Variants in CHRM5 observed in about 807,000 individuals in gnomAD.
CHRM5 encodes the protein cholinergic receptor muscarinic 5, also known as muscarinic acetylcholine receptor M5.
A neutral mutation model predicts 39.0 loss-of-function variants in CHRM5; 18 were observed. The ratio of observed to expected loss-of-function variants is 0.46; its 90% CI spans 0.32 to 0.68. The LOEUF (loss-of-function observed/expected upper bound fraction) is 0.68. Among genes scored for constraint, CHRM5 ranks in the 30% least tolerant of loss-of-function variants. The pLI is 0.04. For missense variants in CHRM5, 515 were observed against 651.1 expected, an observed-to-expected ratio of 0.79 and a Z score of 2.28; for synonymous variants, 241 against 246.3, an observed-to-expected ratio of 0.98 and a Z score of 0.20.
At chr15:33,982,965 T>C (rs1048668319) in intron 1 of CHRM5, among the ~76,000 whole-genome samples, 21 of 151,818 alleles carry the variant, frequency 1.4e-4, no homozygotes, top group Admixed American at 1.1e-3. Flanking sequence ...CAACTCCTGT[T>C]GGGATAATTT....
chr15:34,015,059 T>C (rs1176309535), intron 1 of CHRM5, among the ~76,000 whole-genome samples: 1 of 152,004 alleles, frequency 6.6e-6, no homozygotes. Context: ...TCCTTAACAG[T>C]GTGTCTCCCT....
chr15:33,970,542 C>A (rs1322348329), intron 1 of CHRM5, among the ~76,000 whole-genome samples: 2 of 151,892 alleles, frequency 1.3e-5, no homozygotes, highest in Non-Finnish European at 2.9e-5. Context: ...AACAGCTGAA[C>A]CCTTAAGGGT....
At chr15:33,970,697 T>A (rs1205431228) in intron 1 of CHRM5, among the ~76,000 whole-genome samples, 1 of 152,004 alleles carries the variant, frequency 6.6e-6, no homozygotes, top group Non-Finnish European at 1.5e-5. Flanking sequence ...GACAAAAGTA[T>A]GAAATTTCTA....
intron 1 of CHRM5, among the ~76,000 whole-genome samples, chr15:34,039,627 A>G (rs1220668470): frequency 6.6e-6 from 1 of 152,158 alleles, no homozygotes; most frequent in Admixed American, 6.5e-5. Context: ...GTCTGGTGAG[A>G]GGTGGACTGC....
intron 2 of CHRM5, among the ~76,000 whole-genome samples, chr15:34,057,332 C>T (rs1180109639): frequency 1.3e-5 from 2 of 148,986 alleles, no homozygotes; most frequent in African/African-American, 4.9e-5. Flanking sequence ...TTAGTAGAGA[C>T]GGGGTTTCAC....
chr15:34,012,209 T>C (rs1897665935), intron 1 of CHRM5, among the ~76,000 whole-genome samples: 1 of 152,220 alleles, frequency 6.6e-6, no homozygotes, highest in South Asian at 2.1e-4. Flanking sequence ...TAAAGACAAT[T>C]TGCTTCTTGA....
At chr15:34,049,003 G>GA (rs1899831058) in intron 2 of CHRM5, among the ~76,000 whole-genome samples, 1 of 152,032 alleles carries the variant, frequency 6.6e-6, no homozygotes, top group African/African-American at 2.4e-5. Flanking sequence ...CAAACAAACA[G>GA]AAAACAACAA....
chr15:34,063,744 G>A lies in CHRM5; in HGVS notation c.1027G>A (p.Glu343Lys), dbSNP rs1451429730. ...PGEEFSAEET[E>K]ETFVKAETEK... ...GGAAGAATTCAGTGCTGAAGAGACT[G>A]AGGAAACTTTTGTGAAAGCTGAAAC... Residue 343 changes from glutamate to lysine, a missense_variant, in exon 3 of 3, where the codon GAG (glutamate) becomes AAG (lysine). Transcript: ENST00000383263. This position sits in a 1 kb window ranked among gnomAD's most constrained non-coding sequence, Gnocchi z 4.1. 1.2e-6 allele frequency: 2 copies of A among 1,614,234 alleles called. No individual in the cohort carries two copies. Among genetic ancestry groups the A allele is most frequent in the Non-Finnish European group, 1.7e-6 (2 of 1,180,046 alleles).
intron 1 of CHRM5, among the ~76,000 whole-genome samples, chr15:33,999,642 G>A (rs574290190): frequency 5.3e-5 from 8 of 152,048 alleles, no homozygotes; most frequent in South Asian, 2.1e-4. Context: ...TTCTCTCTAC[G>A]TAGATCTAAC....
chr15:34,060,276 C>T (rs904649338), intron 2 of CHRM5, among the ~76,000 whole-genome samples: 3 of 152,052 alleles, frequency 2.0e-5, no homozygotes, highest in Admixed American at 1.3e-4. Flanking sequence ...GAGGAGTCTT[C>T]GTGGGTCAGT....
intron 1 of CHRM5, among the ~76,000 whole-genome samples, chr15:34,017,695 G>A (rs915698163): frequency 5.1e-4 from 77 of 152,042 alleles, no homozygotes; most frequent in African/African-American, 1.8e-3. Context: ...GGCCAGGCAG[G>A]TCTCGAACTC....
At chr15:33,996,525 C>A (rs1896944323) in intron 1 of CHRM5, among the ~76,000 whole-genome samples, 1 of 152,216 alleles carries the variant, frequency 6.6e-6, no homozygotes, top group Non-Finnish European at 1.5e-5. Context: ...GCAATATTTG[C>A]TGTTCTGCAG....
intron 1 of CHRM5, among the ~76,000 whole-genome samples, chr15:33,970,388 A>G (rs527533306): frequency 1.1e-4 from 17 of 152,116 alleles, no homozygotes; most frequent in African/African-American, 4.1e-4. Context: ...GAAAGCAGCA[A>G]TTTAATACAA....
At chr15:34,012,770 T>C (rs1290771208) in intron 1 of CHRM5, among the ~76,000 whole-genome samples, 1 of 152,198 alleles carries the variant, frequency 6.6e-6, no homozygotes, top group African/African-American at 2.4e-5. Context: ...AAAGCATTAC[T>C]GAACTAGAAG....
At chr15:33,994,627 C>A (rs1896860195) in intron 1 of CHRM5, among the ~76,000 whole-genome samples, 1 of 152,118 alleles carries the variant, frequency 6.6e-6, no homozygotes, top group East Asian at 1.9e-4. Flanking sequence ...TCAGTTTTAT[C>A]AGAAAATGGC....
Position 34,064,370 on chromosome 15 carries a change from G to T in CHRM5, c.*54G>T. On this transcript the variant is annotated 3_prime_UTR_variant, in exon 3 of 3. Transcript: ENST00000383263. ...ATGACCACAGTCAACATCCTCTGAG[G>T]ATGAGCAAGCTGATTCTGGTTTGTA... The T allele has an allele frequency of 6.6e-7, 1 of 1,524,240 alleles. No individual in the cohort carries two copies. The allele number at this position is 1,524,240 out of a possible 1,614,324, so 94.4% of individuals were successfully genotyped here. A position where few individuals can be genotyped will look rare whatever the true frequency, so the allele number is the denominator to read the frequency against.
intron 1 of CHRM5, among the ~76,000 whole-genome samples, chr15:33,990,090 G>A (rs1896653697): frequency 6.6e-6 from 1 of 151,922 alleles, no homozygotes; most frequent in Non-Finnish European, 1.5e-5. Flanking sequence ...TATAATCCCA[G>A]CTACTCAGGA....
intron 1 of CHRM5, among the ~76,000 whole-genome samples, chr15:33,983,209 T>TACAC (rs1467897642): frequency 7.3e-5 from 3 of 41,038 alleles, no homozygotes; most frequent in African/African-American, 1.9e-4. Flanking sequence ...TGTATATATA[T>TACAC]ATATACATAT....
At chr15:34,011,854 T>G (rs963473445) in intron 1 of CHRM5, among the ~76,000 whole-genome samples, 3 of 152,194 alleles carry the variant, frequency 2.0e-5, no homozygotes, top group Non-Finnish European at 4.4e-5. Context: ...TTTCTCAAAG[T>G]CAAGACCTTG....
Sources: gnomAD v4.1 joint callset for allele counts (sites outside exome capture counted in the v4.1 genomes callset) on GRCh38, gnomAD v4.1.1 for gene constraint, Gnocchi (gnomAD v3.1) non-coding constraint, MANE v1.5 for transcripts, NCBI Gene and HGNC (gene_info 2026-07-23, HGNC 2026-07-21) for gene names.